NKAIN2: variants seen among roughly 807,000 people sequenced by gnomAD.
The protein encoded by NKAIN2 is sodium/potassium-transporting ATPase subunit beta-1-interacting protein 2.
NKAIN2 carries 14 observed loss-of-function variants against 32.6 expected under a neutral mutation model. The observed-to-expected ratio is 0.43, with a 90% confidence interval of 0.28 to 0.67. The LOEUF (loss-of-function observed/expected upper bound fraction) is 0.67. Among genes scored for constraint, NKAIN2 ranks in the 30% least tolerant of loss-of-function variants. The pLI is 0.17. For missense variants in NKAIN2, 198 were observed against 258.3 expected (o/e 0.77, Z 1.60); for synonymous variants, 80 against 87.2 (o/e 0.92, Z 0.46).
At chr6:124,571,832 T>C (rs1781139023) in intron 3 of NKAIN2, among the ~76,000 whole-genome samples, 1 of 152,242 alleles carries the variant, frequency 6.6e-6, no homozygotes, top group African/African-American at 2.4e-5. Flanking sequence ...CATTCAGGTG[T>C]ATTTTTAATC....
intron 1 of NKAIN2, among the ~76,000 whole-genome samples, chr6:123,838,237 A>G (rs537398420): frequency 1.3e-5 from 2 of 152,314 alleles, no homozygotes; most frequent in South Asian, 2.1e-4. Flanking sequence ...GTGAATAACC[A>G]TAAGCCAAAG....
intron 2 of NKAIN2, among the ~76,000 whole-genome samples, chr6:124,312,425 T>C (rs1796759393): frequency 1.3e-5 from 2 of 152,208 alleles, no homozygotes; most frequent in Non-Finnish European, 2.9e-5. Context: ...CTGACAGACC[T>C]GCTTTCAGTT....
chr6:124,735,231 T>G (rs191942454), intron 4 of NKAIN2, among the ~76,000 whole-genome samples: 24 of 152,094 alleles, frequency 1.6e-4, no homozygotes, highest in African/African-American at 5.8e-4. Context: ...CTCTGTAGGC[T>G]TCTCAGTTTG....
chr6:124,225,027 C>G (rs905649622), intron 1 of NKAIN2, among the ~76,000 whole-genome samples: 2 of 151,952 alleles, frequency 1.3e-5, no homozygotes, highest in Non-Finnish European at 2.9e-5. Context: ...AGATACATAT[C>G]CTGTAGCTGC....
At chr6:124,455,310 G>C (rs140945435) in intron 3 of NKAIN2, among the ~76,000 whole-genome samples, 1 of 151,976 alleles carries the variant, frequency 6.6e-6, no homozygotes, top group Non-Finnish European at 1.5e-5. Flanking sequence ...TCACATATGC[G>C]TACAAGCCCT....
chr6:123,918,621 T>TA (rs902592414), intron 1 of NKAIN2, among the ~76,000 whole-genome samples: 4 of 152,162 alleles, frequency 2.6e-5, no homozygotes, highest in Admixed American at 6.6e-5. Context: ...AAGGTGTTTT[T>TA]ATGAGATTAA....
At chr6:123,876,439 C>T (rs991375785) in intron 1 of NKAIN2, among the ~76,000 whole-genome samples, 4 of 151,964 alleles carry the variant, frequency 2.6e-5, no homozygotes, top group African/African-American at 7.2e-5. Context: ...TATACACAAA[C>T]GGTCATATAT....
intron 2 of NKAIN2, among the ~76,000 whole-genome samples, chr6:124,292,418 T>C (rs1408075872): frequency 2.0e-5 from 3 of 152,198 alleles, no homozygotes; most frequent in Non-Finnish European, 4.4e-5. Flanking sequence ...TGTAGGACTA[T>C]ATTTGTTGTA....
intron 1 of NKAIN2, among the ~76,000 whole-genome samples, chr6:124,172,651 G>T (rs1267677070): frequency 1.3e-5 from 2 of 152,028 alleles, no homozygotes; most frequent in Non-Finnish European, 2.9e-5. Context: ...AAGTTCCAAA[G>T]CCTGTTAGAA....
intron 1 of NKAIN2, among the ~76,000 whole-genome samples, chr6:123,943,347 T>C (rs1776909497): frequency 6.6e-6 from 1 of 152,032 alleles, no homozygotes; most frequent in Non-Finnish European, 1.5e-5. Flanking sequence ...AGTAAGTTAC[T>C]GTTTCAAAAC....
chr6:124,201,766 C>G (rs1318975398), intron 1 of NKAIN2, among the ~76,000 whole-genome samples: 1 of 151,910 alleles, frequency 6.6e-6, no homozygotes, highest in East Asian at 1.9e-4. Flanking sequence ...GAAAAGTTAT[C>G]AAATGGTAGC....
intron 3 of NKAIN2, among the ~76,000 whole-genome samples, chr6:124,457,868 T>G (rs1776383081): frequency 6.6e-6 from 1 of 151,966 alleles, no homozygotes; most frequent in South Asian, 2.1e-4. Context: ...CACCATTTAT[T>G]TCTTAGTTTT....
chr6:124,584,296 G>A (rs1781627834), intron 3 of NKAIN2, among the ~76,000 whole-genome samples: 1 of 152,054 alleles, frequency 6.6e-6, no homozygotes, highest in African/African-American at 2.4e-5. Flanking sequence ...AAATTAAATA[G>A]GAAAATATCT....
intron 4 of NKAIN2, among the ~76,000 whole-genome samples, chr6:124,661,844 G>T (rs915044228): frequency 5.3e-5 from 8 of 152,162 alleles, no homozygotes; most frequent in Non-Finnish European, 1.0e-4. Context: ...CCAAGGAGGA[G>T]ATCAATTGGG....
At chr6:124,414,726 A>G (rs1774381412) in intron 3 of NKAIN2, among the ~76,000 whole-genome samples, 1 of 152,074 alleles carries the variant, frequency 6.6e-6, no homozygotes, top group Non-Finnish European at 1.5e-5. Flanking sequence ...CTGAGTTTTG[A>G]TAGTTTGTAT....
At chr6:124,709,602 T>A (rs1360070117) in intron 4 of NKAIN2, among the ~76,000 whole-genome samples, 1 of 149,938 alleles carries the variant, frequency 6.7e-6, no homozygotes, top group African/African-American at 2.5e-5. Flanking sequence ...ATCCATTTCT[T>A]CTAGATTTTC....
chr6:124,750,330 T>C (rs1405226195), intron 4 of NKAIN2, among the ~76,000 whole-genome samples: 1 of 151,970 alleles, frequency 6.6e-6, no homozygotes, highest in African/African-American at 2.4e-5. Context: ...GAGTCTTCCA[T>C]AACTGTGTAT....
At position 124,553,167 on chromosome 6, in the gene NKAIN2, T is replaced by C. The variant is rs1041955927; in HGVS notation, c.274-105019T>C. On this transcript the variant is annotated intron_variant, in intron 3 of 6. Coordinates refer to ENST00000368417, the MANE Select transcript of NKAIN2 (RefSeq NM_001040214.3). ...GGTAAAATATTTTTATGTTTAGCAA[T>C]GAATCGTTATTGGAATTCCTCAAAA... Among the ~76,000 whole-genome samples, 6 of 152,364 alleles carry C rather than the reference T, an allele frequency of 3.9e-5. No individual in the cohort carries two copies. In the East Asian group the frequency reaches 9.6e-4, roughly 24 times the overall value.
intron 1 of NKAIN2, among the ~76,000 whole-genome samples, chr6:123,845,967 C>A (rs574849398): frequency 6.6e-6 from 1 of 152,184 alleles, no homozygotes; most frequent in Middle Eastern, 3.4e-3. Flanking sequence ...ATTACATGAA[C>A]ACTTTACCGG....
Sources: gnomAD v4.1 joint callset for allele counts (sites outside exome capture counted in the v4.1 genomes callset) on GRCh38, gnomAD v4.1.1 for gene constraint, MANE v1.5 for transcripts, NCBI Gene and HGNC (gene_info 2026-07-23, HGNC 2026-07-21) for gene names.